ZNF581: variants seen among roughly 807,000 people sequenced by gnomAD.
ZNF581 encodes zinc finger protein 581.
A neutral mutation model predicts 1.2 loss-of-function variants in ZNF581; 1 was observed. The observed-to-expected ratio is 0.83, with a 90% CI of 0.30 to 3.95. The LOEUF is 3.95. Ranked by LOEUF, ZNF581 falls within the 30% of genes most tolerant of loss-of-function variation. The pLI, the probability that ZNF581 is intolerant of heterozygous loss-of-function variation, is 0.18. For missense variants in ZNF581, 273 were observed against 274.6 expected (o/e 0.99, Z 0.04); for synonymous variants, 105 against 109.2 (o/e 0.96, Z 0.24).
At chr19:55,640,141 C>A (rs1426779729), upstream of ZNF581, 1 of 985,324 alleles carries the variant, frequency 1.0e-6, no homozygotes, top group African/African-American at 1.7e-5. Context: ...CCTGCAGATG[C>A]TGCTGCTGCC....
chr19:55,640,599 A>G (rs948328189), upstream of ZNF581: 1 of 985,326 alleles, frequency 1.0e-6, no homozygotes, highest in African/African-American at 1.7e-5. Context: ...TGCTGGGTGG[A>G]GAATCACGGC....
At chr19:55,640,078 C>G (rs1568535406), upstream of ZNF581, 1 of 973,580 alleles carries the variant, frequency 1.0e-6, no homozygotes, top group Non-Finnish European at 1.2e-6. Context: ...ACCCCAGGGT[C>G]TTGGGGCTCG....
upstream of ZNF581, chr19:55,643,238 C>T (rs1196721328): frequency 2.8e-5 from 22 of 789,260 alleles, no homozygotes; most frequent in East Asian, 3.4e-5. Flanking sequence ...GTTGCCCCTC[C>T]CTGGGCCTGG....
At chr19:55,643,424 T>C, upstream of ZNF581, 1 of 216,274 alleles carries the variant, frequency 4.6e-6, no homozygotes, top group Non-Finnish European at 9.9e-6. Flanking sequence ...CTACCCCCCT[T>C]CCGCCCACGC....
chr19:55,643,085 A>C (rs1982631453), upstream of ZNF581: 1 of 1,333,574 alleles, frequency 7.5e-7, no homozygotes, highest in Non-Finnish European at 9.6e-7. Context: ...TCTGACCCAC[A>C]CAGCGTCACT....
In ZNF581 at chr19:55,644,778, G is replaced by A. The variant is rs563561284; in HGVS notation, c.207G>A (p.Glu69=). Residue 69 remains glutamate (E), a synonymous_variant, in exon 2 of 2, where the codon GAG becomes GAA. Transcript: ENST00000270451. The surrounding 1 kb of genome is among the most constrained non-coding windows in gnomAD (Gnocchi z 4.3). ...TCCCCTACACAGTGCTGGTGGACGA[G>A]GAGTCACAGAGGGAGCCAGGGGCCA... ...QGVPYTVLVD[E]ESQREPGASG... 19 of 1,613,936 alleles carry A rather than the reference G, an allele frequency of 1.2e-5. No homozygotes were observed. The African/African-American group carries it at 2.5e-4, about 22-fold the overall frequency.
chr19:55,644,142 G>T lies in ZNF581; in HGVS notation c.-20+368G>T, dbSNP rs1388320726. 6.6e-6 allele frequency among the ~76,000 whole-genome samples: 1 copy of T among 151,954 alleles called. No homozygotes were observed. Among genetic ancestry groups the T allele is most frequent in the Non-Finnish European group, 1.5e-5 (1 of 67,988 alleles). On this transcript the variant is annotated intron_variant, in intron 1 of 1. Coordinates refer to ENST00000270451, the MANE Select transcript of ZNF581 (RefSeq NM_016535.4). The surrounding 1 kb of genome is among the most constrained non-coding windows in gnomAD (Gnocchi z 4.3). ...AATAGGCTTGGCTTGTATGGAGGGG[G>T]TCAGGAAAGGCTTGAGTATGTAGCA...
chr19:55,637,600 T>G (rs117133710), upstream of ZNF581, among the ~76,000 whole-genome samples: 13,972 of 152,044 alleles, frequency 0.092, 852 homozygotes, highest in Middle Eastern at 0.18. Context: ...CGGAGGCTGC[T>G]GCTGCTATAA....
At chr19:55,642,313 C>T (rs1982554534), upstream of ZNF581, 15 of 1,261,092 alleles carry the variant, frequency 1.2e-5, no homozygotes, top group South Asian at 4.3e-4. Context: ...TGGAGGCCCT[C>T]TCCGAGGCAG....
At chr19:55,642,347 G>A (rs1982557403), upstream of ZNF581, 12 of 1,271,068 alleles carry the variant, frequency 9.4e-6, no homozygotes, top group Non-Finnish European at 1.2e-5. Flanking sequence ...GGGAGAGCCG[G>A]GCTGGAGTCA....
upstream of ZNF581, among the ~76,000 whole-genome samples, chr19:55,638,153 A>G (rs1982205180): frequency 6.6e-6 from 1 of 152,202 alleles, no homozygotes; most frequent in South Asian, 2.1e-4. Flanking sequence ...CAGGAAGCTT[A>G]CAATCATGGT....
chr19:55,639,944 A>G (rs1982344082), upstream of ZNF581, among the ~76,000 whole-genome samples: 1 of 152,248 alleles, frequency 6.6e-6, no homozygotes, highest in African/African-American at 2.4e-5. Flanking sequence ...TTTAAAATTC[A>G]GGTCCTCTGA....
rs1555781713 is a variant in ZNF581, at chr19:55,644,795, C to T, written c.224C>T (p.Pro75Leu). 9.3e-6 allele frequency: 15 copies of T among 1,613,112 alleles called. 1 individual carries two copies. The South Asian group carries it at 1.6e-4, about 18-fold the overall frequency. The change falls in exon 2 of 2, where the codon CCA becomes CTA. Residue 75 changes from proline to leucine, a missense_variant. By Grantham distance (98) the Pro-to-Leu change is moderately conservative. Coordinates refer to ENST00000270451, the MANE Select transcript of ZNF581 (RefSeq NM_016535.4). This position sits in a 1 kb window ranked among gnomAD's most constrained non-coding sequence, Gnocchi z 4.3. Reference protein sequence around the residue: ...VLVDEESQREPGASGAPGQKK... With the variant: ...VLVDEESQRELGASGAPGQKK... The stretch of plus-strand genomic sequence containing the variant: ...GTGGACGAGGAGTCACAGAGGGAGC[C>T]AGGGGCCAGTGGGGCTCCAGGCCAG...
exon 1 of ZNF581, chr19:55,635,691 T>C (rs1982049522): frequency 1.0e-6 from 1 of 988,036 alleles, no homozygotes; most frequent in South Asian, 4.7e-5. Context: ...TCAGAATGAT[T>C]CGCTGCAGCT....
chr19:55,641,159 C>T (rs1434832945), upstream of ZNF581: 1 of 985,408 alleles, frequency 1.0e-6, no homozygotes, highest in Non-Finnish European at 1.2e-6. Flanking sequence ...CCCGTTCCTC[C>T]GGACCCGAGA....
upstream of ZNF581, chr19:55,640,234 G>A (rs887364542): frequency 1.1e-5 from 11 of 985,346 alleles, no homozygotes; most frequent in Middle Eastern, 5.2e-4. Flanking sequence ...CAGCTCTCCA[G>A]TGCGGCTGCA....
Position 55,645,153 on chromosome 19 carries a change from G to A in ZNF581, c.582G>A (p.Trp194Ter), listed in dbSNP as rs1436846916. Residue 194 changes from tryptophan (W) to a stop codon, truncating the protein, a stop_gained, in exon 2 of 2, where the codon TGG becomes TGA. Coordinates refer to ENST00000270451, the MANE Select transcript of ZNF581 (RefSeq NM_016535.4). LOFTEE classifies it high-confidence loss of function. ...EQNTLQKHTR[W>*]KHP is the part of the protein sequence containing the mutation. Reference sequence around the variant, plus strand: ...ACACACTGCAGAAACACACGCGGTGGAAGCATCCATGAGCCGGGCTGCCGG... The same window carrying A: ...ACACACTGCAGAAACACACGCGGTGAAAGCATCCATGAGCCGGGCTGCCGG... The A allele has an allele frequency of 3.3e-6, 5 of 1,514,912 alleles. No homozygotes were observed. The highest frequency in any genetic ancestry group is 4.4e-6 in the Non-Finnish European group (5 of 1,129,126). 93.8% of individuals were successfully genotyped at this position (1,514,912 alleles called of 1,614,324 possible).
At position 55,645,266 on chromosome 19, in the gene ZNF581, GGACACA is replaced by G; in HGVS notation, c.*110_*115del. The G allele has an allele frequency of 9.3e-7, 1 of 1,076,942 alleles. No individual in the cohort carries two copies. The highest frequency in any genetic ancestry group is 3.0e-4 in the Middle Eastern group (1 of 3,304). The allele number at this position is 1,076,942 out of a possible 1,614,324, so 66.7% of individuals were successfully genotyped here. A position where few individuals can be genotyped will look rare whatever the true frequency, so the allele number is the denominator to read the frequency against. ...GCCTGAGGCTGGTGTTCAGGGCCCT[GGACACA>G]GACACAGAGCAGCCGCATCTCAAAG... On this transcript the variant is annotated 3_prime_UTR_variant, in exon 2 of 2. Coordinates refer to ENST00000270451, the MANE Select transcript of ZNF581 (RefSeq NM_016535.4).
upstream of ZNF581, chr19:55,635,027 A>C (rs908565534): frequency 6.6e-6 from 1 of 151,982 alleles, no homozygotes; most frequent in Non-Finnish European, 1.5e-5. Context: ...CGGACGTGAA[A>C]GTTTGCTGCG....
Sources: gnomAD v4.1 joint callset for allele counts (sites outside exome capture counted in the v4.1 genomes callset) on GRCh38, gnomAD v4.1.1 for gene constraint, Gnocchi (gnomAD v3.1) non-coding constraint, MANE v1.5 for transcripts, NCBI Gene and HGNC (gene_info 2026-07-23, HGNC 2026-07-21) for gene names.